The following ZNF521 variants were observed in gnomAD, a reference collection of about 807,000 sequenced individuals.
ZNF521 encodes zinc finger protein 521.
ZNF521 carries 14 observed loss-of-function variants against 105.5 expected under a neutral mutation model. That is an observed-to-expected ratio of 0.13 (90% CI 0.09 to 0.21). The LOEUF (loss-of-function observed/expected upper bound fraction) is 0.21, where lower values mean the gene tolerates loss of function less well. Ranked by LOEUF, ZNF521 falls within the 10% of genes least tolerant of loss-of-function variation. The probability of loss-of-function intolerance (pLI) is 1.00; values close to 1 mark genes in which losing one functional copy is unlikely to be tolerated. For missense variants in ZNF521, 1,233 were observed against 1,629.7 expected, an observed-to-expected ratio of 0.76 and a Z score of 4.19; for synonymous variants, 635 against 606.0, an observed-to-expected ratio of 1.05 and a Z score of -0.70.
At chr18:25,077,527 CT>C (rs55821863) in intron 7 of ZNF521, among the ~76,000 whole-genome samples, 51,338 of 151,818 alleles carry the variant, frequency 0.34, 10,014 homozygotes, top group African/African-American at 0.54. Context: ...CCTTTCTCCT[CT>C]TATGTTTTTT....
intron 5 of ZNF521, among the ~76,000 whole-genome samples, chr18:25,161,515 T>C (rs1397660994): frequency 6.6e-6 from 1 of 152,172 alleles, no homozygotes; most frequent in Non-Finnish European, 1.5e-5. Flanking sequence ...GTAAGTAAAA[T>C]GGTGTGTTTC....
At chr18:25,327,900 T>C (rs1472406412) in intron 2 of ZNF521, among the ~76,000 whole-genome samples, 2 of 152,032 alleles carry the variant, frequency 1.3e-5, no homozygotes, top group Non-Finnish European at 2.9e-5. Flanking sequence ...AAGCAATCGA[T>C]GGGGTGGCTA....
rs1392111416 is a variant in ZNF521 at position 25,227,949 on chromosome 18, T to C, written c.221-252A>G. 6.6e-6 allele frequency among the ~76,000 whole-genome samples: 1 copy of C among 152,256 alleles called. No individual in the cohort carries two copies. The highest frequency in any genetic ancestry group is 1.5e-5 in the Non-Finnish European group (1 of 68,046). On this transcript the variant is annotated intron_variant, in intron 3 of 7. Transcript: ENST00000361524. This position sits in a 1 kb window ranked among gnomAD's most constrained non-coding sequence, Gnocchi z 5.7. ...GTTCTATGTCTAAATTACCCTTTTA[T>C]TACTTTTTATCATTCTTCCTTAGAA...
chr18:25,318,006 A>T (rs1247581125), intron 3 of ZNF521, among the ~76,000 whole-genome samples: 1 of 152,172 alleles, frequency 6.6e-6, no homozygotes, highest in East Asian at 1.9e-4. Flanking sequence ...CCACAAAAAG[A>T]TCCATATAGA....
At chr18:25,164,991 A>G (rs142003641) in intron 5 of ZNF521, among the ~76,000 whole-genome samples, 54 of 152,300 alleles carry the variant, frequency 3.5e-4, no homozygotes, top group Non-Finnish European at 6.2e-4. Flanking sequence ...GAAAGATATG[A>G]CTTTCGTGTT....
chr18:25,081,797 C>T (rs934337509), intron 7 of ZNF521, among the ~76,000 whole-genome samples: 5 of 152,144 alleles, frequency 3.3e-5, no homozygotes, highest in African/African-American at 1.2e-4. Context: ...CTGCAACCTC[C>T]CTCCTTTGCT....
intron 3 of ZNF521, among the ~76,000 whole-genome samples, chr18:25,238,211 G>T (rs777100015): frequency 6.6e-6 from 1 of 152,094 alleles, no homozygotes; most frequent in Non-Finnish European, 1.5e-5. Flanking sequence ...ATGGGTAAAT[G>T]AATAAACCTA....
At chr18:25,076,254 C>T (rs2033358739) in intron 7 of ZNF521, among the ~76,000 whole-genome samples, 1 of 152,140 alleles carries the variant, frequency 6.6e-6, no homozygotes, top group Admixed American at 6.6e-5. Context: ...GTGAATCTCT[C>T]CAAGGGTTAT....
intron 2 of ZNF521, among the ~76,000 whole-genome samples, chr18:25,344,748 G>C (rs1914388050): frequency 6.6e-6 from 1 of 152,218 alleles, no homozygotes; most frequent in Non-Finnish European, 1.5e-5. Context: ...GATGCAGACA[G>C]CTGCTAAAAT....
At chr18:25,112,942 C>T (rs918562072) in intron 5 of ZNF521, among the ~76,000 whole-genome samples, 5 of 152,004 alleles carry the variant, frequency 3.3e-5, no homozygotes, top group Admixed American at 6.5e-5. Flanking sequence ...ATAAACTCCC[C>T]TATTAGCAGC....
Position 25,225,635 on chromosome 18 carries a change from G to T in ZNF521, c.2283C>A (p.Phe761Leu), listed in dbSNP as rs762556435. Residue 761 changes from phenylalanine (F) to leucine (L), a missense_variant, in exon 4 of 8, where the codon TTC (phenylalanine) becomes TTA (leucine). Phe to Leu is a conservative substitution (Grantham distance 22). Transcript: ENST00000361524. The surrounding 1 kb of genome is among the most constrained non-coding windows in gnomAD (Gnocchi z 5.6). ...VYRCTSCNWD[F>L]RNETDLQLHV... ...GGAGCTGCAAGTCAGTTTCGTTGCGGAAGTCCCAGTTGCAAGATGTGCACC... is the reference window on the plus strand; with the variant it reads ...GGAGCTGCAAGTCAGTTTCGTTGCGTAAGTCCCAGTTGCAAGATGTGCACC... 1.2e-6 allele frequency: 2 copies of T among 1,614,170 alleles called. No homozygotes were observed. The highest frequency in any genetic ancestry group is 1.1e-5 in the South Asian group (1 of 91,080).
intron 4 of ZNF521, among the ~76,000 whole-genome samples, chr18:25,204,533 A>G (rs1034581776): frequency 2.0e-5 from 3 of 152,170 alleles, no homozygotes; most frequent in South Asian, 4.1e-4. Context: ...GTTTAGGAAT[A>G]AAGAGTCATT....
At chr18:25,304,500 G>GC (rs916365246) in intron 3 of ZNF521, among the ~76,000 whole-genome samples, 72 of 152,244 alleles carry the variant, frequency 4.7e-4, no homozygotes, top group African/African-American at 1.6e-3. Flanking sequence ...CACACACAGT[G>GC]CCCCCAGAGA....
intron 2 of ZNF521, among the ~76,000 whole-genome samples, chr18:25,346,956 G>A (rs961781969): frequency 6.6e-6 from 1 of 152,062 alleles, no homozygotes; most frequent in Non-Finnish European, 1.5e-5. Flanking sequence ...CCTTTATATA[G>A]TGGACCACTT....
intron 3 of ZNF521, among the ~76,000 whole-genome samples, chr18:25,245,848 C>CA (rs1372805846): frequency 6.6e-5 from 10 of 151,944 alleles, no homozygotes; most frequent in Admixed American, 6.6e-4. Context: ...CCCATCTCTA[C>CA]AAAAAATTTA....
intron 3 of ZNF521, chr18:25,302,337 C>T (rs1202899872): frequency 6.6e-6 from 1 of 152,196 alleles, no homozygotes; most frequent in Non-Finnish European, 1.5e-5. Flanking sequence ...CACACCACCT[C>T]CGTGGTTCCA....
At chr18:25,079,286 C>G (rs560165859) in intron 7 of ZNF521, among the ~76,000 whole-genome samples, 2 of 152,172 alleles carry the variant, frequency 1.3e-5, no homozygotes, top group African/African-American at 4.8e-5. Flanking sequence ...AGGTTCAGCA[C>G]AGGGTTGGTT....
intron 7 of ZNF521, among the ~76,000 whole-genome samples, chr18:25,069,419 A>G (rs543580078): frequency 6.6e-6 from 1 of 152,302 alleles, no homozygotes; most frequent in African/African-American, 2.4e-5. Context: ...AAAAGTACTC[A>G]TAATTTTCAA....
At chr18:25,304,916 G>A (rs945308168) in intron 3 of ZNF521, among the ~76,000 whole-genome samples, 1 of 152,162 alleles carries the variant, frequency 6.6e-6, no homozygotes, top group Non-Finnish European at 1.5e-5. Flanking sequence ...TAAGATTGTA[G>A]GCAATAGGTT....
Sources: allele counts gnomAD v4.1 joint callset (sites outside exome capture counted in the v4.1 genomes callset), GRCh38; gene constraint gnomAD v4.1.1; non-coding constraint Gnocchi (gnomAD v3.1); transcripts MANE v1.5; gene names NCBI Gene and HGNC (gene_info 2026-07-23, HGNC 2026-07-21).